CTTNBP2: variants seen among roughly 807,000 people sequenced by gnomAD.
CTTNBP2 encodes cortactin binding protein 2, also known as cortactin-binding protein 2.
Under a neutral mutation model 156.9 loss-of-function variants are expected in CTTNBP2, and 108 were observed. The observed-to-expected ratio is 0.69, with a 90% CI of 0.59 to 0.81. The LOEUF is 0.81. CTTNBP2 is among the 30% of genes least tolerant of loss of function. The pLI is 0.00. For synonymous variants in CTTNBP2, 767 were observed against 751.8 expected (o/e 1.02, Z -0.33); for missense variants, 1,924 against 2,035.4 (o/e 0.95, Z 1.05).
intron 10 of CTTNBP2, 50 bp downstream of exon 10, chr7:117,760,385 T>A: frequency 6.4e-7 from 1 of 1,571,444 alleles, no homozygotes; most frequent in Non-Finnish European, 8.7e-7. Flanking sequence ...CCCACAAACA[T>A]AAATAAACCC....
intron 8 of CTTNBP2, among the ~76,000 whole-genome samples, chr7:117,773,680 CA>C (rs1797920733): frequency 4.7e-5 from 7 of 150,384 alleles, no homozygotes; most frequent in African/African-American, 1.5e-4. Context: ...CACACACACA[CA>C]CACACACACA....
intron 3 of CTTNBP2, among the ~76,000 whole-genome samples, chr7:117,794,981 G>A (rs957952584): frequency 6.6e-5 from 9 of 136,714 alleles, no homozygotes; most frequent in South Asian, 2.5e-4. Flanking sequence ...TGCAAGCTCC[G>A]CTTCCCGGGT....
Position 117,711,539 on chromosome 7 carries a change from ATTTGTTAGG to A in CTTNBP2, c.4981_4989del (p.Pro1661_Lys1663del). 2 of 1,611,790 alleles carry A rather than the reference ATTTGTTAGG, an allele frequency of 1.2e-6. No homozygotes were observed. Among genetic ancestry groups the A allele is most frequent in the Non-Finnish European group, 1.7e-6 (2 of 1,179,288 alleles). On this transcript the variant is annotated inframe_deletion, in exon 23 of 23. Coordinates refer to ENST00000160373, the MANE Select transcript of CTTNBP2 (RefSeq NM_033427.3). ...TAATGAGAATATTGTAGGCAGGCCT[ATTTGTTAGG>A]TTTTTCTAGGTGTTCATTTTTGTGT...
chr7:117,732,762 G>A (rs1795474469), intron 16 of CTTNBP2, among the ~76,000 whole-genome samples: 1 of 151,980 alleles, frequency 6.6e-6, no homozygotes, highest in Admixed American at 6.6e-5. Flanking sequence ...TTAAGACAGG[G>A]GACAATTGTG....
chr7:117,827,689 T>C (rs1312397832), intron 2 of CTTNBP2, among the ~76,000 whole-genome samples: 1 of 152,156 alleles, frequency 6.6e-6, no homozygotes, highest in Non-Finnish European at 1.5e-5. Context: ...GGGGAAACAG[T>C]AGTGGCTGTG....
At chr7:117,779,070 T>A (rs1001103975) in intron 7 of CTTNBP2, among the ~76,000 whole-genome samples, 1 of 152,186 alleles carries the variant, frequency 6.6e-6, no homozygotes, top group African/African-American at 2.4e-5. Context: ...AAAATCCACT[T>A]GGCTAAGACA....
chr7:117,800,965 T>C (rs891813072), intron 3 of CTTNBP2, among the ~76,000 whole-genome samples: 2 of 152,006 alleles, frequency 1.3e-5, no homozygotes, highest in African/African-American at 4.8e-5. Flanking sequence ...TTGCTGCAAG[T>C]GCTAAAAAAT....
intron 16 of CTTNBP2, among the ~76,000 whole-genome samples, chr7:117,734,083 A>C (rs1033838501): frequency 1.3e-5 from 2 of 152,194 alleles, no homozygotes; most frequent in Non-Finnish European, 2.9e-5. Context: ...TTGTGGGCAC[A>C]CTGCAGTCTT....
chr7:117,720,978 A>ACAT, intron 20 of CTTNBP2, 89 bp downstream of exon 20: 1 of 882,728 alleles, frequency 1.1e-6, no homozygotes, highest in African/African-American at 1.8e-5. Context: ...ATAGTCATTC[A>ACAT]AATGAGAACA....
At chr7:117,803,100 T>C (rs1301501473) in intron 3 of CTTNBP2, among the ~76,000 whole-genome samples, 1 of 152,166 alleles carries the variant, frequency 6.6e-6, no homozygotes, top group Non-Finnish European at 1.5e-5. Flanking sequence ...TCAGCACTAT[T>C]CACAATCAGC....
chr7:117,865,431 C>A (rs1804106438), intron 1 of CTTNBP2, among the ~76,000 whole-genome samples: 1 of 151,764 alleles, frequency 6.6e-6, no homozygotes, highest in Admixed American at 6.6e-5. Context: ...GAGGCCAAGG[C>A]CGGCAGATTG....
At chr7:117,724,402 T>C in intron 19 of CTTNBP2, 145 bp downstream of exon 19, 4 of 693,450 alleles carry the variant, frequency 5.8e-6, no homozygotes, top group Non-Finnish European at 9.3e-6. Flanking sequence ...TACTATATAG[T>C]TTATTCCATG....
rs996263209 is a variant in CTTNBP2, at chr7:117,861,254, C to T, written c.144G>A (p.Met48Ile). 3.0e-5 allele frequency: 48 copies of T among 1,613,756 alleles called. No homozygotes were observed. Among genetic ancestry groups the T allele is most frequent in the Non-Finnish European group, 4.0e-5 (47 of 1,179,914 alleles). Reference protein sequence around the residue: ...KSELRMLLSVMEGELEARDLV... With the variant: ...KSELRMLLSVIEGELEARDLV... Reference sequence around the variant, plus strand: ...GGTCTCTGGCCTCCAGCTCCCCTTCCATCACGCTGAGGAGCATCCGCAGCT... The same window carrying T: ...GGTCTCTGGCCTCCAGCTCCCCTTCTATCACGCTGAGGAGCATCCGCAGCT... The change falls in exon 2 of 23, where the codon ATG (methionine) becomes ATA (isoleucine). Residue 48 changes from methionine to isoleucine, a missense_variant. Physicochemically the swap from Met to Ile is conservative, Grantham distance 10. Coordinates refer to ENST00000160373, the MANE Select transcript of CTTNBP2 (RefSeq NM_033427.3).
chr7:117,797,994 A>G (rs1046120154), intron 3 of CTTNBP2, among the ~76,000 whole-genome samples: 1 of 152,190 alleles, frequency 6.6e-6, no homozygotes, highest in Non-Finnish European at 1.5e-5. Flanking sequence ...AGTTATACCT[A>G]GGCACATCAT....
intron 2 of CTTNBP2, among the ~76,000 whole-genome samples, chr7:117,816,882 G>C (rs533714383): frequency 6.6e-6 from 1 of 152,148 alleles, no homozygotes; most frequent in East Asian, 1.9e-4. Flanking sequence ...CCCTAAAAAA[G>C]GAAGAGCTGA....
At chr7:117,818,865 G>T (rs936667773) in intron 2 of CTTNBP2, among the ~76,000 whole-genome samples, 6 of 152,108 alleles carry the variant, frequency 3.9e-5, no homozygotes, top group Non-Finnish European at 7.4e-5. Flanking sequence ...ATATAATAAA[G>T]AATTTTTAAG....
At position 117,735,263 on chromosome 7, in the gene CTTNBP2, C is replaced by T. The variant is rs372369992; in HGVS notation, c.3688+6G>A. On this transcript the variant is annotated splice_donor_region_variant and intron_variant, in intron 15 of 22. Transcript: ENST00000160373. ...CTTCTCAGCATGGTCCCTTTATTAG[C>T]GTTACCTTTTTGGAAAGTGCAGGGG... The T allele has an allele frequency of 8.1e-5, 130 of 1,611,934 alleles. No homozygotes were observed. The highest frequency in any genetic ancestry group is 1.7e-4 in the South Asian group (15 of 90,198).
At chr7:117,785,091 G>A (rs1798638545) in intron 4 of CTTNBP2, among the ~76,000 whole-genome samples, 2 of 152,090 alleles carry the variant, frequency 1.3e-5, no homozygotes, top group Admixed American at 6.5e-5. Context: ...TGGATCTAGA[G>A]TTCACCAGCA....
At chr7:117,817,206 T>C (rs1186281979) in intron 2 of CTTNBP2, among the ~76,000 whole-genome samples, 4 of 150,300 alleles carry the variant, frequency 2.7e-5, no homozygotes, top group Admixed American at 6.6e-5. Flanking sequence ...TGGTGGTGGG[T>C]GCCTGTAGTC....
Sources: allele counts gnomAD v4.1 joint callset (sites outside exome capture counted in the v4.1 genomes callset), GRCh38; gene constraint gnomAD v4.1.1; transcripts MANE v1.5; gene names NCBI Gene and HGNC (gene_info 2026-07-23, HGNC 2026-07-21).